Variants in BRWD1 observed in about 807,000 individuals in gnomAD.
The protein encoded by BRWD1 is bromodomain and WD repeat-containing protein 1.
BRWD1 carries 82 observed loss-of-function variants against 251.2 expected under a neutral mutation model. The observed-to-expected ratio is 0.33, with a 90% CI of 0.27 to 0.39. The LOEUF (loss-of-function observed/expected upper bound fraction) is 0.39, where lower values mean the gene tolerates loss of function less well. BRWD1 is among the 10% of genes least tolerant of loss of function. The pLI is 1.00. For synonymous variants in BRWD1, 918 were observed against 902.8 expected, an observed-to-expected ratio of 1.02 and a Z score of -0.30; for missense variants, 2,233 against 2,711.6, an observed-to-expected ratio of 0.82 and a Z score of 3.92.
At chr21:39,311,185 A>G (rs78074847) in intron 4 of BRWD1, among the ~76,000 whole-genome samples, 3 of 152,072 alleles carry the variant, frequency 2.0e-5, no homozygotes, top group African/African-American at 7.2e-5. Flanking sequence ...TTTAAAAAAA[A>G]GAAACTAGGC....
At chr21:39,311,512 A>C (rs952565195) in intron 4 of BRWD1, among the ~76,000 whole-genome samples, 3 of 152,188 alleles carry the variant, frequency 2.0e-5, no homozygotes, top group Non-Finnish European at 2.9e-5. Flanking sequence ...CATTTGTTTC[A>C]AGTTATTTTC....
At chr21:39,312,971 G>GGGCGGGC (rs1299855372) in intron 3 of BRWD1, 71 bp from the exon 4 acceptor site, 38 of 623,160 alleles carry the variant, frequency 6.1e-5, no homozygotes, top group African/African-American at 4.1e-4. Flanking sequence ...GGGGGGCCGG[G>GGGCGGGC]GGCGGGCGGC....
chr21:39,279,653 AAAAG>A lies in BRWD1; in HGVS notation c.932+491_932+494del, dbSNP rs1568945510. Among the ~76,000 whole-genome samples the A allele has an allele frequency of 2.3e-4, 19 of 81,662 alleles. 2 individuals are homozygous for A. Among genetic ancestry groups the A allele is most frequent in the African/African-American group, 9.1e-4 (18 of 19,814 alleles). The allele number at this position is 81,662 out of a possible 152,430, so 53.6% of individuals were successfully genotyped here. A position where few individuals can be genotyped will look rare whatever the true frequency, so the allele number is the denominator to read the frequency against. Reference sequence around the variant, plus strand: ...GACTCCATCTCAAAAAAAAAAAAAAAAAAGAAAAAAAAAAAGAAAACGAAAACAA... The same window carrying A: ...GACTCCATCTCAAAAAAAAAAAAAAAAAAAAAAAAAAGAAAACGAAAACAA... On this transcript the variant is annotated intron_variant, in intron 9 of 40. Coordinates refer to ENST00000342449, the MANE Select transcript of BRWD1 (RefSeq NM_033656.4).
Position 39,196,540 on chromosome 21 carries a change from T to G in BRWD1, c.6529A>C (p.Lys2177Gln). The G allele has an allele frequency of 6.2e-7, 1 of 1,613,692 alleles. No individual in the cohort carries two copies. Among genetic ancestry groups the G allele is most frequent in the Non-Finnish European group, 8.5e-7 (1 of 1,179,796 alleles). ...DIDCTDNTKT[K>Q]RRKTKGKAKV... ...GCTTTTCCTTTCGTTTTCCTCCTTTTGGTTTTTGTATTATCAGTACAGTCA... is the reference window on the plus strand; with the variant it reads ...GCTTTTCCTTTCGTTTTCCTCCTTTGGGTTTTTGTATTATCAGTACAGTCA... The change falls in exon 41 of 41, where the codon AAA becomes CAA. Residue 2177 changes from lysine (K) to glutamine (Q), a missense_variant. By Grantham distance (53) the Lys-to-Gln change is moderately conservative. This residue lies in a region of BRWD1 where 928 missense variants were observed against 970.0 expected (regional missense o/e 0.96). Transcript: ENST00000342449.
rs984013263 is a variant in BRWD1, at chr21:39,286,095, A to G, written c.832-5847T>C. On this transcript the variant is annotated intron_variant, in intron 8 of 40. Coordinates refer to ENST00000342449, the MANE Select transcript of BRWD1 (RefSeq NM_033656.4). The stretch of plus-strand genomic sequence containing the variant: ...AGTGGTGCGATCTCGGCTCACTGCA[A>G]GCTCCGTCTCCCAGGTTCACGCCAT... Among the ~76,000 whole-genome samples, 7 of 142,250 alleles carry G rather than the reference A, an allele frequency of 4.9e-5. No individual in the cohort carries two copies. In the Admixed American group the frequency reaches 5.4e-4, roughly 11 times the overall value. 93.3% of individuals were successfully genotyped at this position (142,250 alleles called of 152,430 possible).
chr21:39,286,343 A>T (rs765627075), intron 8 of BRWD1, among the ~76,000 whole-genome samples: 12 of 151,286 alleles, frequency 7.9e-5, no homozygotes, highest in South Asian at 2.1e-4. Context: ...AAAGTCAACA[A>T]TTCAGTGGCA....
rs1360089839 is a variant in BRWD1, at chr21:39,188,073, C to T, written c.*8186G>A. On this transcript the variant is annotated 3_prime_UTR_variant, in exon 41 of 41. Transcript: ENST00000342449. ...CCACATGATGCCAGAGCTACTACTC[C>T]GTGCTGACCAAACTTAGGAGGGCTC... 9.1e-6 allele frequency: 9 copies of T among 985,288 alleles called. No homozygotes were observed. In the Admixed American group the frequency reaches 1.8e-4, roughly 20 times the overall value. 61.0% of individuals were successfully genotyped at this position (985,288 alleles called of 1,614,324 possible). A position where few individuals can be genotyped will look rare whatever the true frequency, so the allele number is the denominator to read the frequency against.
chr21:39,313,946 CG>C, upstream of BRWD1: 1 of 341,888 alleles, frequency 2.9e-6, no homozygotes, highest in Non-Finnish European at 5.7e-6. Context: ...GGGCGGGTGC[CG>C]GGGGCGGAAG....
At position 39,247,709 on chromosome 21, in the gene BRWD1, C is replaced by G; in HGVS notation, c.2473G>C (p.Val825Leu). The change falls in exon 21 of 41, where the codon GTA becomes CTA. Residue 825 changes from valine (V) to leucine (L), a missense_variant. By Grantham distance (32) the Val-to-Leu change is conservative. Around this residue, in one of 12 missense-constraint regions of BRWD1, gnomAD observed 214 missense variants for 222.0 expected, o/e 0.96. Transcript: ENST00000342449. Reference sequence around the variant, plus strand: ...TAAAGTTTTCCACTCACATGTCTTACAGAGCTTGAAGACTCATTTCCAGAA... The same window carrying G: ...TAAAGTTTTCCACTCACATGTCTTAGAGAGCTTGAAGACTCATTTCCAGAA... Reference protein sequence around the residue: ...LSSGNESSSSVRHETSCDQSE... With the variant: ...LSSGNESSSSLRHETSCDQSE... 1 of 1,607,822 alleles carries G rather than the reference C, an allele frequency of 6.2e-7. No individual in the cohort carries two copies. The highest frequency in any genetic ancestry group is 8.5e-7 in the Non-Finnish European group (1 of 1,178,198).
chr21:39,222,175 G>A (rs74646354), intron 29 of BRWD1, among the ~76,000 whole-genome samples: 168 of 152,038 alleles, frequency 1.1e-3, no homozygotes, highest in African/African-American at 3.7e-3. Flanking sequence ...GAGTTACCAC[G>A]TAACCCAGCA....
chr21:39,298,657 G>A, intron 4 of BRWD1, 75 bp from the exon 5 acceptor site: 4 of 1,241,122 alleles, frequency 3.2e-6, no homozygotes, highest in East Asian at 2.7e-5. Context: ...GATAAGTCTG[G>A]CAAAATGTGA....
At position 39,191,263 on chromosome 21, in the gene BRWD1, A is replaced by G. The variant is rs1027134791; in HGVS notation, c.*4996T>C. The G allele has an allele frequency of 5.1e-6, 5 of 985,004 alleles. No homozygotes were observed. Among genetic ancestry groups the G allele is most frequent in the African/African-American group, 1.7e-5 (1 of 57,314 alleles). 61.0% of individuals were successfully genotyped at this position (985,004 alleles called of 1,614,324 possible). A position where few individuals can be genotyped will look rare whatever the true frequency, so the allele number is the denominator to read the frequency against. Reference sequence around the variant, plus strand: ...CGCTTCAGTTCCCCTATCCAAGCTCATATGTAAAACTCACAGCGCTCGCAC... The same window carrying G: ...CGCTTCAGTTCCCCTATCCAAGCTCGTATGTAAAACTCACAGCGCTCGCAC... On this transcript the variant is annotated 3_prime_UTR_variant, in exon 41 of 41. Transcript: ENST00000342449.
In BRWD1 at chr21:39,247,875, T is replaced by C. The variant is rs1177774786; in HGVS notation, c.2350-43A>G. 4 of 1,543,970 alleles carry C rather than the reference T, an allele frequency of 2.6e-6. No homozygotes were observed. In the South Asian group the frequency reaches 5.0e-5, roughly 19 times the overall value. On this transcript the variant is annotated intron_variant, in intron 20 of 40. Transcript: ENST00000342449. The stretch of plus-strand genomic sequence containing the variant: ...ATGCGAATGAAAATCAACACCTAAA[T>C]AAGGACAATATCAACAAAATGGGCA...
In BRWD1 at chr21:39,191,261, T is replaced by A; in HGVS notation, c.*4998A>T. The A allele has an allele frequency of 2.0e-6, 2 of 985,126 alleles. No individual in the cohort carries two copies. The highest frequency in any genetic ancestry group is 1.2e-6 in the Non-Finnish European group (1 of 829,880). The allele number at this position is 985,126 out of a possible 1,614,324, so 61.0% of individuals were successfully genotyped here. On this transcript the variant is annotated 3_prime_UTR_variant, in exon 41 of 41. Coordinates refer to ENST00000342449, the MANE Select transcript of BRWD1 (RefSeq NM_033656.4). The stretch of plus-strand genomic sequence containing the variant: ...CTCGCTTCAGTTCCCCTATCCAAGC[T>A]CATATGTAAAACTCACAGCGCTCGC...
At chr21:39,240,909 T>G (rs1016957096) in intron 21 of BRWD1, among the ~76,000 whole-genome samples, 1 of 151,526 alleles carries the variant, frequency 6.6e-6, no homozygotes, top group Non-Finnish European at 1.5e-5. Context: ...TCTTTTTTTT[T>G]TTGTTTTTTG....
chr21:39,287,493 A>G (rs1443742971), intron 8 of BRWD1, among the ~76,000 whole-genome samples: 2 of 151,918 alleles, frequency 1.3e-5, no homozygotes, highest in African/African-American at 2.4e-5. Context: ...GTCAATTCAG[A>G]TTTTCTTTTT....
Position 39,196,189 on chromosome 21 carries a change from A to G in BRWD1, c.*70T>C. On this transcript the variant is annotated 3_prime_UTR_variant, in exon 41 of 41. Transcript: ENST00000342449. ...CCCTGAATTGTAAGACAAAAAAATA[A>G]TTTTAACAGCCAGCTTTCACCATAA... is the stretch of plus-strand genomic sequence containing the variant. 2 of 1,487,478 alleles carry G rather than the reference A, an allele frequency of 1.3e-6. No homozygotes were observed. The highest frequency in any genetic ancestry group is 1.8e-6 in the Non-Finnish European group (2 of 1,123,426). 92.1% of individuals were successfully genotyped at this position (1,487,478 alleles called of 1,614,324 possible).
Position 39,191,961 on chromosome 21 carries a change from CTAAT to C in BRWD1, c.*4294_*4297del. 3 of 985,102 alleles carry C rather than the reference CTAAT, an allele frequency of 3.0e-6. No individual in the cohort carries two copies. The South Asian group carries it at 1.4e-4, about 46-fold the overall frequency. 61.0% of individuals were successfully genotyped at this position (985,102 alleles called of 1,614,324 possible). A position where few individuals can be genotyped will look rare whatever the true frequency, so the allele number is the denominator to read the frequency against. On this transcript the variant is annotated 3_prime_UTR_variant, in exon 41 of 41. Transcript: ENST00000342449. ...CATACTTGAGAAACAGATGTATAGT[CTAAT>C]TATTTACATGTTGCCAAAGATAGAG... is the stretch of plus-strand genomic sequence containing the variant.
chr21:39,298,160 A>G lies in BRWD1; in HGVS notation c.349+272T>C, dbSNP rs71316670. Reference sequence around the variant, plus strand: ...CTACAAAATGGAAAATTAAGAACTCACATTGATAAAACCTCAAACAACATC... The same window carrying G: ...CTACAAAATGGAAAATTAAGAACTCGCATTGATAAAACCTCAAACAACATC... On this transcript the variant is annotated intron_variant, in intron 5 of 40. Coordinates refer to ENST00000342449, the MANE Select transcript of BRWD1 (RefSeq NM_033656.4). The G allele has an allele frequency of 1.2e-3, 1,349 of 1,086,242 alleles. 2 individuals are homozygous for G. Among genetic ancestry groups the G allele is most frequent in the Non-Finnish European group, 1.4e-3 (1,279 of 896,386 alleles). The allele number at this position is 1,086,242 out of a possible 1,614,324, so 67.3% of individuals were successfully genotyped here.
Sources: allele counts gnomAD v4.1 joint callset (sites outside exome capture counted in the v4.1 genomes callset), GRCh38; gene constraint gnomAD v4.1.1; regional missense constraint gnomAD v4.1.1; transcripts MANE v1.5; gene names NCBI Gene and HGNC (gene_info 2026-07-23, HGNC 2026-07-21).